PLEKHM3: variants seen among roughly 807,000 people sequenced by gnomAD.
PLEKHM3 encodes pleckstrin homology domain containing M3.
PLEKHM3 carries 45 observed loss-of-function variants against 81.8 expected under a neutral mutation model. That is an observed-to-expected ratio of 0.55 (90% confidence interval 0.43 to 0.71). PLEKHM3 has a LOEUF of 0.71. Ranked by LOEUF, PLEKHM3 falls within the 30% of genes least tolerant of loss-of-function variation. The pLI, the probability that PLEKHM3 is intolerant of heterozygous loss-of-function variation, is 0.00. For missense variants in PLEKHM3, 788 were observed against 924.3 expected, an observed-to-expected ratio of 0.85 and a Z score of 1.91; for synonymous variants, 352 against 356.4, an observed-to-expected ratio of 0.99 and a Z score of 0.14.
At chr2:208,011,850 T>A (rs1425821275) in intron 1 of PLEKHM3, among the ~76,000 whole-genome samples, 1 of 130,140 alleles carries the variant, frequency 7.7e-6, no homozygotes, top group Non-Finnish European at 1.5e-5. Context: ...CAGGCTAGAG[T>A]GCAATGGTGT....
At chr2:207,910,053 G>T (rs1435869072) in intron 5 of PLEKHM3, among the ~76,000 whole-genome samples, 1 of 152,200 alleles carries the variant, frequency 6.6e-6, no homozygotes, top group Admixed American at 6.5e-5. Context: ...GAAAGTCGCT[G>T]AAGAATTCTG....
At position 207,839,567 on chromosome 2, in the gene PLEKHM3, G is replaced by A. The variant is rs77314288; in HGVS notation, c.2109-11071C>T. 1.3e-3 allele frequency among the ~76,000 whole-genome samples: 202 copies of A among 152,214 alleles called. 2 individuals are homozygous for A. The highest frequency in any genetic ancestry group is 4.7e-3 in the African/African-American group (196 of 41,538). On this transcript the variant is annotated intron_variant, in intron 7 of 7. Transcript: ENST00000427836. The stretch of plus-strand genomic sequence containing the variant: ...CCAATACTCAATTTATTCTAGGCTG[G>A]TGGTGCTCAAAGTGTGGTCCCTGGA...
chr2:207,905,354 T>C (rs1319160030), intron 6 of PLEKHM3, among the ~76,000 whole-genome samples: 1 of 152,190 alleles, frequency 6.6e-6, no homozygotes, highest in Non-Finnish European at 1.5e-5. Flanking sequence ...AGCAGGATGA[T>C]GAAGCAGTCC....
intron 6 of PLEKHM3, among the ~76,000 whole-genome samples, chr2:207,901,877 AG>A (rs945353581): frequency 2.6e-4 from 39 of 152,376 alleles, no homozygotes; most frequent in African/African-American, 9.1e-4. Flanking sequence ...GTCTCGCCCC[AG>A]ATTATGTTCA....
At position 207,843,768 on chromosome 2, in the gene PLEKHM3, C is replaced by T. The variant is rs1163023937; in HGVS notation, c.2109-15272G>A. ...TCTTTTCATTTAAATTTCCTTTCCA[C>T]CATCACAGATTCGCTTTCTGGAAAA... On this transcript the variant is annotated intron_variant, in intron 7 of 7. Coordinates refer to ENST00000427836, the MANE Select transcript of PLEKHM3 (RefSeq NM_001080475.3). The surrounding 1 kb of genome is among the most constrained non-coding windows in gnomAD (Gnocchi z 4.4). Among the ~76,000 whole-genome samples the T allele has an allele frequency of 6.6e-6, 1 of 152,168 alleles. No homozygotes were observed. Among genetic ancestry groups the T allele is most frequent in the Non-Finnish European group, 1.5e-5 (1 of 68,022 alleles).
At chr2:207,880,802 C>CA (rs2092587082) in intron 6 of PLEKHM3, among the ~76,000 whole-genome samples, 1 of 48,090 alleles carries the variant, frequency 2.1e-5, no homozygotes, top group Admixed American at 2.4e-4. Flanking sequence ...AAAAAACAAA[C>CA]AAACAAAAAA....
At position 207,843,713 on chromosome 2, in the gene PLEKHM3, A is replaced by G. The variant is rs1354246451; in HGVS notation, c.2109-15217T>C. On this transcript the variant is annotated intron_variant, in intron 7 of 7. Transcript: ENST00000427836. This position sits in a 1 kb window ranked among gnomAD's most constrained non-coding sequence, Gnocchi z 4.4. Reference sequence around the variant, plus strand: ...TCTAGAATTTGAAGATTTTCTTTCCAATCATTGATATAAATTGCTTTTCCC... The same window carrying G: ...TCTAGAATTTGAAGATTTTCTTTCCGATCATTGATATAAATTGCTTTTCCC... Among the ~76,000 whole-genome samples, 2 of 152,132 alleles carry G rather than the reference A, an allele frequency of 1.3e-5. No homozygotes were observed. The highest frequency in any genetic ancestry group is 2.9e-5 in the Non-Finnish European group (2 of 68,024).
chr2:208,001,827 G>T lies in PLEKHM3; in HGVS notation c.-188C>A. 1 of 880,750 alleles carries T rather than the reference G, an allele frequency of 1.1e-6. No individual in the cohort carries two copies. The highest frequency in any genetic ancestry group is 1.7e-6 in the Non-Finnish European group (1 of 594,386). The allele number at this position is 880,750 out of a possible 1,614,324, so 54.6% of individuals were successfully genotyped here. ...GTTTTCCTGGTAATTAAAAGCATTT[G>T]CTAGTGGCTAATGGGCATTAACAGA... On this transcript the variant is annotated 5_prime_UTR_variant, in exon 2 of 8. Transcript: ENST00000427836.
intron 5 of PLEKHM3, among the ~76,000 whole-genome samples, chr2:207,913,457 A>G (rs557039736): frequency 1.1e-3 from 173 of 152,274 alleles, no homozygotes; most frequent in African/African-American, 3.9e-3. Context: ...CCAAGGAAGG[A>G]GAGAATTTCA....
In PLEKHM3 at chr2:207,876,038, T is replaced by G. The variant is rs1056612407; in HGVS notation, c.1951-14776A>C. 3.3e-5 allele frequency among the ~76,000 whole-genome samples: 5 copies of G among 152,324 alleles called. No homozygotes were observed. In the East Asian group the frequency reaches 9.6e-4, roughly 29 times the overall value. ...AGCACAGAAAGGTGGCATAGTCTGA[T>G]CCCATTACAAATATTTAACATTTGT... On this transcript the variant is annotated intron_variant, in intron 6 of 7. Transcript: ENST00000427836.
chr2:207,888,416 A>G lies in PLEKHM3; in HGVS notation c.1950+20098T>C, dbSNP rs550896543. Reference sequence around the variant, plus strand: ...TTTACTCTAGTTCTTTTTTTCTTTGAGACAGAATCTCGCTTTGTCACCCAG... The same window carrying G: ...TTTACTCTAGTTCTTTTTTTCTTTGGGACAGAATCTCGCTTTGTCACCCAG... On this transcript the variant is annotated intron_variant, in intron 6 of 7. Coordinates refer to ENST00000427836, the MANE Select transcript of PLEKHM3 (RefSeq NM_001080475.3). Among the ~76,000 whole-genome samples the G allele has an allele frequency of 2.0e-5, 3 of 151,950 alleles. No homozygotes were observed. The South Asian group carries it at 6.2e-4, about 32-fold the overall frequency.
intron 5 of PLEKHM3, among the ~76,000 whole-genome samples, chr2:207,923,880 C>CACATATATATATATAT (rs1319162543): frequency 1.8e-5 from 1 of 56,770 alleles, no homozygotes; most frequent in Non-Finnish European, 3.2e-5. Flanking sequence ...CACACACACA[C>CACATATATATATATAT]ATATATATAT....
At chr2:207,837,252 T>C (rs2092324306) in intron 7 of PLEKHM3, among the ~76,000 whole-genome samples, 2 of 152,176 alleles carry the variant, frequency 1.3e-5, no homozygotes, top group South Asian at 2.1e-4. Context: ...CATGTACTTA[T>C]AGACATACAC....
chr2:207,970,786 A>G (rs1262275139), intron 3 of PLEKHM3, among the ~76,000 whole-genome samples: 1 of 152,226 alleles, frequency 6.6e-6, no homozygotes, highest in African/African-American at 2.4e-5. Context: ...AATTTGCACT[A>G]AATGGCTGAA....
intron 6 of PLEKHM3, among the ~76,000 whole-genome samples, chr2:207,888,241 C>T (rs1284262402): frequency 6.6e-6 from 1 of 152,126 alleles, no homozygotes; most frequent in Non-Finnish European, 1.5e-5. Context: ...AAGTTACCAT[C>T]CTTGCTTGCT....
Position 207,822,310 on chromosome 2 carries a change from G to C in PLEKHM3, c.*6009C>G, listed in dbSNP as rs1218114088. 1.3e-5 allele frequency: 2 copies of C among 152,652 alleles called. No homozygotes were observed. Among genetic ancestry groups the C allele is most frequent in the Admixed American group, 1.3e-4 (2 of 15,282 alleles). 9.5% of individuals were successfully genotyped at this position (152,652 alleles called of 1,614,324 possible). On this transcript the variant is annotated 3_prime_UTR_variant, in exon 8 of 8. Coordinates refer to ENST00000427836, the MANE Select transcript of PLEKHM3 (RefSeq NM_001080475.3). The stretch of plus-strand genomic sequence containing the variant: ...GTGGCAAAATAAAAAGAAAACCTTT[G>C]AAAGGTGAAAGATAAGAAAATCCTT...
rs1177948830 is a variant in PLEKHM3 at position 208,011,785 on chromosome 2, C to CTTTTTT, written c.-318-9834_-318-9829dup. On this transcript the variant is annotated intron_variant, in intron 1 of 7. Transcript: ENST00000427836. Reference sequence around the variant, plus strand: ...AAAAATTTTTAAGTGCTCTGATAAACTTTTTTTTTTTTTTTTTTTTTTTTT... The same window carrying CTTTTTT: ...AAAAATTTTTAAGTGCTCTGATAAACTTTTTTTTTTTTTTTTTTTTTTTTTTTTTTT... Among the ~76,000 whole-genome samples the CTTTTTT allele has an allele frequency of 1.8e-4, 14 of 79,978 alleles. 2 individuals are homozygous for CTTTTTT. Among genetic ancestry groups the CTTTTTT allele is most frequent in the African/African-American group, 4.8e-4 (8 of 16,768 alleles). The allele number at this position is 79,978 out of a possible 152,430, so 52.5% of individuals were successfully genotyped here.
chr2:207,946,330 A>G lies in PLEKHM3; in HGVS notation c.1692+37T>C, dbSNP rs200133435. Reference sequence around the variant, plus strand: ...CACCTGAGAACATATGAACACCTGAATTATTATTATTAAGTGAACTGAGTT... The same window carrying G: ...CACCTGAGAACATATGAACACCTGAGTTATTATTATTAAGTGAACTGAGTT... On this transcript the variant is annotated intron_variant, in intron 4 of 7. Coordinates refer to ENST00000427836, the MANE Select transcript of PLEKHM3 (RefSeq NM_001080475.3). The G allele has an allele frequency of 5.3e-4, 841 of 1,588,686 alleles. 1 individual carries two copies. The highest frequency in any genetic ancestry group is 8.3e-4 in the Middle Eastern group (5 of 6,018).
At chr2:207,968,863 C>T (rs1053151365) in intron 3 of PLEKHM3, among the ~76,000 whole-genome samples, 13 of 152,164 alleles carry the variant, frequency 8.5e-5, no homozygotes, top group East Asian at 3.8e-4. Context: ...GGCAACAATA[C>T]GCTAAACATT....
Sources: allele counts gnomAD v4.1 joint callset (sites outside exome capture counted in the v4.1 genomes callset), GRCh38; gene constraint gnomAD v4.1.1; non-coding constraint Gnocchi (gnomAD v3.1); transcripts MANE v1.5; gene names NCBI Gene and HGNC (gene_info 2026-07-23, HGNC 2026-07-21).